The following DNAH11 variants were observed in gnomAD, a reference collection of about 807,000 sequenced individuals.
The protein encoded by DNAH11 is axonemal beta dynein heavy chain 11.
DNAH11 carries 442 observed loss-of-function variants against 526.0 expected under a neutral mutation model. The ratio of observed to expected loss-of-function variants is 0.84; its 90% CI spans 0.78 to 0.91. The LOEUF is 0.91. Among genes scored for constraint, DNAH11 ranks in the 40% least tolerant of loss-of-function variants. The pLI, the probability that DNAH11 is intolerant of heterozygous loss-of-function variation, is 0.00. For synonymous variants in DNAH11, 2,461 were observed against 1,935.9 expected (o/e 1.27, Z -7.12); for missense variants, 6,989 against 5,448.7 (o/e 1.28, Z -8.90).
At chr7:21,792,617 C>G (rs1353958869) in intron 61 of DNAH11, among the ~76,000 whole-genome samples, 3 of 152,082 alleles carry the variant, frequency 2.0e-5, no homozygotes, top group Non-Finnish European at 4.4e-5. Context: ...ATGGTTCAAT[C>G]TTGGTAGAGT....
At chr7:21,798,732 A>G (rs1231747256) in intron 61 of DNAH11, among the ~76,000 whole-genome samples, 2 of 152,332 alleles carry the variant, frequency 1.3e-5, no homozygotes, top group Non-Finnish European at 1.5e-5. Flanking sequence ...CAGCTGCTGT[A>G]TGACATGCAA....
intron 46 of DNAH11, 116 bp downstream of exon 46, chr7:21,735,960 CT>C: frequency 2.0e-6 from 2 of 993,002 alleles, no homozygotes; most frequent in Non-Finnish European, 2.9e-6. Flanking sequence ...TTGCTTGGGC[CT>C]TAGATGAATT....
intron 28 of DNAH11, among the ~76,000 whole-genome samples, chr7:21,653,016 A>C (rs1444970084): frequency 6.6e-6 from 1 of 152,122 alleles, no homozygotes; most frequent in South Asian, 2.1e-4. Flanking sequence ...AGCTGGTATT[A>C]CAGGCATGTG....
At chr7:21,553,312 G>C (rs770503840) in intron 2 of DNAH11, among the ~76,000 whole-genome samples, 7 of 151,874 alleles carry the variant, frequency 4.6e-5, no homozygotes, top group Non-Finnish European at 7.4e-5. Flanking sequence ...TCTGCTTTAG[G>C]AACATATAAG....
At chr7:21,582,125 A>AC in intron 9 of DNAH11, 104 bp downstream of exon 9, 1 of 704,040 alleles carries the variant, frequency 1.4e-6, no homozygotes, top group Non-Finnish European at 2.5e-6. Flanking sequence ...CACTAGGTTA[A>AC]CTAGTCATAT....
intron 30 of DNAH11, among the ~76,000 whole-genome samples, chr7:21,667,265 T>C (rs1009505782): frequency 6.6e-6 from 1 of 152,150 alleles, no homozygotes; most frequent in Non-Finnish European, 1.5e-5. Flanking sequence ...GAGCCATTTA[T>C]AGAGGGCTTC....
Position 21,717,397 on chromosome 7 carries a change from A to G in DNAH11, c.6984-378A>G, listed in dbSNP as rs184537396. Among the ~76,000 whole-genome samples the G allele has an allele frequency of 2.2e-3, 334 of 152,266 alleles. 1 individual carries two copies. The highest frequency in any genetic ancestry group is 7.7e-3 in the African/African-American group (320 of 41,564). On this transcript the variant is annotated intron_variant, in intron 42 of 81. Transcript: ENST00000409508. ...TCTTATTACTAAATAATTGATGCCA[A>G]GATTAATCAAGAAAAATCACAAGCT...
intron 38 of DNAH11, among the ~76,000 whole-genome samples, chr7:21,705,104 T>A (rs1447279928): frequency 6.6e-6 from 1 of 152,172 alleles, no homozygotes; most frequent in African/African-American, 2.4e-5. Flanking sequence ...CTATATACAT[T>A]ATCCATTTTA....
chr7:21,899,511 C>CTTTG, intron 80 of DNAH11, 63 bp downstream of exon 80: 1 of 1,290,598 alleles, frequency 7.7e-7, no homozygotes, highest in East Asian at 2.3e-5. Context: ...AGAAGCCCTG[C>CTTTG]TTTGTTTACC....
chr7:21,627,875 C>G (rs921421601), intron 25 of DNAH11, among the ~76,000 whole-genome samples: 1 of 152,102 alleles, frequency 6.6e-6, no homozygotes, highest in Admixed American at 6.5e-5. Flanking sequence ...GTAATATTGT[C>G]ATTTTAACAA....
chr7:21,861,768 C>T, intron 68 of DNAH11, 85 bp from the exon 69 acceptor site: 1 of 1,546,334 alleles, frequency 6.5e-7, no homozygotes, highest in Non-Finnish European at 8.8e-7. Context: ...ATAGATAAAC[C>T]TTAAACTGTT....
rs560113359 is a variant in DNAH11, at chr7:21,801,350, A to G, written c.10165+75A>G. ...GTGGGGATTTTATTATTTGCCATCAATAATAACTAAATAGACATGGAATTA... is the reference window on the plus strand; with the variant it reads ...GTGGGGATTTTATTATTTGCCATCAGTAATAACTAAATAGACATGGAATTA... On this transcript the variant is annotated intron_variant, in intron 62 of 81. Coordinates refer to ENST00000409508, the MANE Select transcript of DNAH11 (RefSeq NM_001277115.2). 227 of 1,562,192 alleles carry G rather than the reference A, an allele frequency of 1.5e-4. 1 individual carries two copies. The highest frequency in any genetic ancestry group is 3.8e-4 in the South Asian group (32 of 85,018).
chr7:21,874,955 A>T (rs1783649659), intron 74 of DNAH11, among the ~76,000 whole-genome samples: 1 of 152,204 alleles, frequency 6.6e-6, no homozygotes, highest in Admixed American at 6.5e-5. Flanking sequence ...ATTCTCTACG[A>T]AGCATGTTAA....
rs1785048573 is a variant in DNAH11, at chr7:21,600,756, C to G, written c.3081C>G (p.Val1027=). 1.2e-6 allele frequency: 2 copies of G among 1,613,784 alleles called. No homozygotes were observed. Among genetic ancestry groups the G allele is most frequent in the Admixed American group, 1.7e-5 (1 of 59,992 alleles). ...MNRVVNVINK[V]LDFRNTLETH... ...GAGTGGTGAATGTCATCAACAAAGT[C>G]TTAGATTTCAGAAACACCCTGGAGA... Residue 1027 remains valine (V), a synonymous_variant, in exon 16 of 82, where the codon GTC becomes GTG. Coordinates refer to ENST00000409508, the MANE Select transcript of DNAH11 (RefSeq NM_001277115.2).
chr7:21,859,216 C>T (rs1209367305), intron 68 of DNAH11, among the ~76,000 whole-genome samples: 4 of 152,078 alleles, frequency 2.6e-5, no homozygotes, highest in Non-Finnish European at 4.4e-5. Context: ...CAGGTTGAAG[C>T]GATTCTCCTG....
At chr7:21,734,062 C>G (rs1162517200) in intron 45 of DNAH11, among the ~76,000 whole-genome samples, 3 of 152,136 alleles carry the variant, frequency 2.0e-5, no homozygotes, top group Admixed American at 2.0e-4. Flanking sequence ...CAGCCTGGCT[C>G]CAGAGTCCGT....
rs539683855 is a variant in DNAH11 at position 21,901,484 on chromosome 7, A to G, written c.*230A>G. 4.5e-6 allele frequency: 2 copies of G among 447,528 alleles called. No individual in the cohort carries two copies. The highest frequency in any genetic ancestry group is 9.3e-5 in the Admixed American group (2 of 21,520). 27.7% of individuals were successfully genotyped at this position (447,528 alleles called of 1,614,324 possible). A position where few individuals can be genotyped will look rare whatever the true frequency, so the allele number is the denominator to read the frequency against. ...CAGTTACTCAGGAGGTAGGAGAATC[A>G]CTTGAACCTAGGAGGCAAAGGTTGC... On this transcript the variant is annotated 3_prime_UTR_variant, in exon 82 of 82. Coordinates refer to ENST00000409508, the MANE Select transcript of DNAH11 (RefSeq NM_001277115.2).
intron 28 of DNAH11, among the ~76,000 whole-genome samples, chr7:21,642,035 G>C (rs1232016146): frequency 1.3e-5 from 2 of 152,172 alleles, no homozygotes; most frequent in Non-Finnish European, 2.9e-5. Flanking sequence ...GCCAGCTAAA[G>C]GATCCAGTCC....
At chr7:21,868,818 C>A (rs1405492325) in intron 72 of DNAH11, 46 bp from the exon 73 acceptor site, 5 of 1,611,600 alleles carry the variant, frequency 3.1e-6, no homozygotes, top group Non-Finnish European at 4.2e-6. Context: ...CTCCTCTCAC[C>A]CTCCTTCATA....
Sources: gnomAD v4.1 joint callset for allele counts (sites outside exome capture counted in the v4.1 genomes callset) on GRCh38, gnomAD v4.1.1 for gene constraint, MANE v1.5 for transcripts, NCBI Gene and HGNC (gene_info 2026-07-23, HGNC 2026-07-21) for gene names.